DNAH2: variants seen among roughly 807,000 people sequenced by gnomAD.
DNAH2 encodes dynein axonemal heavy chain 2, also known as axonemal beta dynein heavy chain 2.
In DNAH2, 323 loss-of-function variants were observed where a neutral mutation model predicts 523.5. The observed-to-expected ratio is 0.62, with a 90% CI of 0.56 to 0.68. The LOEUF is 0.68. DNAH2 is among the 30% of genes least tolerant of loss of function. The pLI, the probability that DNAH2 is intolerant of heterozygous loss-of-function variation, is 0.00. For missense variants in DNAH2, 4,907 were observed against 5,701.5 expected (o/e 0.86, Z 4.49); for synonymous variants, 2,093 against 2,177.4 (o/e 0.96, Z 1.08).
intron 50 of DNAH2, 49 bp from the exon 51 acceptor site, chr17:7,797,127 G>A (rs771791185): frequency 2.2e-6 from 3 of 1,362,392 alleles, no homozygotes; most frequent in African/African-American, 1.5e-5. Flanking sequence ...AAAAACTTCT[G>A]GAGGGAATCT....
rs1235216997 is a variant in DNAH2 at position 7,786,814 on chromosome 17, T to C, written c.6467-83T>C. 2 of 1,606,278 alleles carry C rather than the reference T, an allele frequency of 1.2e-6. No individual in the cohort carries two copies. ...GGGAATGCTGAAGTACAAGGGAGTGTAGGCTTGTGTCTCCGAGGAGCGTGA... is the reference window on the plus strand; with the variant it reads ...GGGAATGCTGAAGTACAAGGGAGTGCAGGCTTGTGTCTCCGAGGAGCGTGA... On this transcript the variant is annotated intron_variant, in intron 41 of 85. Transcript: ENST00000572933. The surrounding 1 kb of genome is among the most constrained non-coding windows in gnomAD (Gnocchi z 7.5).
rs146435612 is a variant in DNAH2 at position 7,831,614 on chromosome 17, G to A, written c.12612-47G>A. On this transcript the variant is annotated intron_variant, in intron 81 of 85. Transcript: ENST00000572933. This position sits in a 1 kb window ranked among gnomAD's most constrained non-coding sequence, Gnocchi z 4.2. ...GCCTTTGCCTTCTGGCTAGAATGAC[G>A]TTCCCAGGCCCACCTCATCTCTAAC... 1.2e-5 allele frequency: 19 copies of A among 1,612,982 alleles called. No individual in the cohort carries two copies. Among genetic ancestry groups the A allele is most frequent in the Admixed American group, 6.7e-5 (4 of 59,956 alleles).
Position 7,830,738 on chromosome 17 carries a change from C to G in DNAH2, c.12126C>G (p.Gly4042=). The G allele has an allele frequency of 6.2e-7, 1 of 1,614,186 alleles. No individual in the cohort carries two copies. The highest frequency in any genetic ancestry group is 8.5e-7 in the Non-Finnish European group (1 of 1,180,052). Reference sequence around the variant, plus strand: ...ACGCACTTAAGTACCTCATTGCCGGCATCAACTATGGTGGACATGTCACAG... The same window carrying G: ...ACGCACTTAAGTACCTCATTGCCGGGATCAACTATGGTGGACATGTCACAG... ...PWDALKYLIA[G]INYGGHVTDD... The change falls in exon 79 of 86, where the codon GGC becomes GGG. Residue 4042 remains glycine (G), a synonymous_variant. Coordinates refer to ENST00000572933, the MANE Select transcript of DNAH2 (RefSeq NM_020877.5).
chr17:7,784,552 A>C (rs988267757), intron 39 of DNAH2, among the ~76,000 whole-genome samples: 3 of 152,226 alleles, frequency 2.0e-5, no homozygotes, highest in African/African-American at 7.2e-5. Context: ...CAACTCAATA[A>C]AATAAAATAA....
intron 49 of DNAH2, among the ~76,000 whole-genome samples, chr17:7,796,240 A>C (rs1404411438): frequency 6.6e-6 from 1 of 151,612 alleles, no homozygotes; most frequent in Non-Finnish European, 1.5e-5. Flanking sequence ...GTAAAGACGG[A>C]GTTTCTCCAT....
chr17:7,781,243 G>A (rs2076598614), intron 39 of DNAH2, 76 bp downstream of exon 39: 3 of 1,549,614 alleles, frequency 1.9e-6, no homozygotes, highest in Admixed American at 1.7e-5. Context: ...GGGAGGCCGA[G>A]GTGGGCAGAC....
chr17:7,821,505 C>G lies in DNAH2; in HGVS notation c.11142+136C>G. ...GAGCTGAGAAAATCCAGGCCAGCAT[C>G]AGGTGCATGGTGAGCTCCCTGGGGC... On this transcript the variant is annotated intron_variant, in intron 73 of 85. Coordinates refer to ENST00000572933, the MANE Select transcript of DNAH2 (RefSeq NM_020877.5). The surrounding 1 kb of genome is among the most constrained non-coding windows in gnomAD (Gnocchi z 5.0). The G allele has an allele frequency of 7.8e-7, 1 of 1,285,150 alleles. No individual in the cohort carries two copies. Among genetic ancestry groups the G allele is most frequent in the South Asian group, 1.6e-5 (1 of 63,804 alleles). The allele number at this position is 1,285,150 out of a possible 1,614,324, so 79.6% of individuals were successfully genotyped here.
intron 11 of DNAH2, among the ~76,000 whole-genome samples, chr17:7,741,319 C>CCTTCCTTCCTTCCT (rs1555540854): frequency 6.7e-4 from 25 of 37,064 alleles, no homozygotes; most frequent in South Asian, 1.5e-3. Context: ...CCCTCCCTCC[C>CCTTCCTTCCTTCCT]TCCCTCCTTC....
At chr17:7,782,027 A>T (rs895986871) in intron 39 of DNAH2, among the ~76,000 whole-genome samples, 5 of 152,248 alleles carry the variant, frequency 3.3e-5, no homozygotes, top group Non-Finnish European at 7.3e-5. Context: ...TAAGCTGGCA[A>T]GAAAGGAAGA....
At chr17:7,743,174 A>G in intron 12 of DNAH2, 32 bp downstream of exon 12, 2 of 1,604,640 alleles carry the variant, frequency 1.2e-6, no homozygotes, top group Non-Finnish European at 8.5e-7. Flanking sequence ...TTTTCCCTAT[A>G]CTCCCCTTCT....
In DNAH2 at chr17:7,801,544, A is replaced by G. The variant is rs367846165; in HGVS notation, c.8700-34A>G. ...CAGTACCTGGAGGCTGTGTCTGTGC[A>G]CGGAATTTACAGCCTCTCCAAACCC... On this transcript the variant is annotated intron_variant, in intron 56 of 85. Transcript: ENST00000572933. The G allele has an allele frequency of 3.1e-6, 5 of 1,612,992 alleles. No individual in the cohort carries two copies. The African/African-American group carries it at 4.0e-5, about 13-fold the overall frequency.
intron 18 of DNAH2, among the ~76,000 whole-genome samples, chr17:7,762,906 A>C (rs1328015295): frequency 6.6e-6 from 1 of 151,934 alleles, no homozygotes; most frequent in East Asian, 1.9e-4. Flanking sequence ...AAAAAAAAAA[A>C]AAACCTGCCT....
At position 7,791,983 on chromosome 17, in the gene DNAH2, T is replaced by G; in HGVS notation, c.6967T>G (p.Trp2323Gly). The G allele has an allele frequency of 6.2e-7, 1 of 1,614,092 alleles. No individual in the cohort carries two copies. The highest frequency in any genetic ancestry group is 8.5e-7 in the Non-Finnish European group (1 of 1,180,012). Residue 2323 changes from tryptophan to glycine, a missense_variant, in exon 45 of 86, where the codon TGG (tryptophan) becomes GGG (glycine). By Grantham distance (184) the Trp-to-Gly change is radical (BLOSUM62 -2). This residue lies in a region of DNAH2 where 2,806 missense variants were observed against 3,190.8 expected (regional missense o/e 0.88). Coordinates refer to ENST00000572933, the MANE Select transcript of DNAH2 (RefSeq NM_020877.5). ...GATGACATTTGTGTTCAGCATGATC[T>G]GGTCTGTGTGTGCCTCTGTGGATGA... ...VEMTFVFSMI[W>G]SVCASVDEEG...
Position 7,821,454 on chromosome 17 carries a change from GGGTCA to G in DNAH2, c.11142+88_11142+92del, listed in dbSNP as rs2077853365. 1 of 1,490,070 alleles carries G rather than the reference GGGTCA, an allele frequency of 6.7e-7. No homozygotes were observed. Among genetic ancestry groups the G allele is most frequent in the African/African-American group, 1.4e-5 (1 of 71,830 alleles). The allele number at this position is 1,490,070 out of a possible 1,614,324, so 92.3% of individuals were successfully genotyped here. Reference sequence around the variant, plus strand: ...GTGTGACAAGGACTCCAGACCCAGAGGGTCAGGCCCACAGCATCAGTGAGTGAGCT... The same window carrying G: ...GTGTGACAAGGACTCCAGACCCAGAGGGCCCACAGCATCAGTGAGTGAGCT... On this transcript the variant is annotated intron_variant, in intron 73 of 85. Transcript: ENST00000572933. The surrounding 1 kb of genome is among the most constrained non-coding windows in gnomAD (Gnocchi z 5.0).
rs776717991 is a variant in DNAH2, at chr17:7,770,422, C to T, written c.4098+14C>T. On this transcript the variant is annotated intron_variant, in intron 25 of 85. Transcript: ENST00000572933. ...GCTATAGAAGTGGTACGACAGTCCC[C>T]TCCCATGCTCCCACACCTCCTGCGC... 5 of 1,610,994 alleles carry T rather than the reference C, an allele frequency of 3.1e-6. No individual in the cohort carries two copies. The South Asian group carries it at 4.4e-5, about 14-fold the overall frequency.
Position 7,807,894 on chromosome 17 carries a change from T to C in DNAH2, c.9729+308T>C, listed in dbSNP as rs1478363221. ...AGATGGCGCCTGAGATATTAACTGA[T>C]GACATCTGCGTGGCAAATTGGTCTT... is the stretch of plus-strand genomic sequence containing the variant. On this transcript the variant is annotated intron_variant, in intron 63 of 85. Transcript: ENST00000572933. This position sits in a 1 kb window ranked among gnomAD's most constrained non-coding sequence, Gnocchi z 5.6. Among the ~76,000 whole-genome samples the C allele has an allele frequency of 6.6e-6, 1 of 152,204 alleles. No individual in the cohort carries two copies. The highest frequency in any genetic ancestry group is 1.5e-5 in the Non-Finnish European group (1 of 68,036).
intron 7 of DNAH2, among the ~76,000 whole-genome samples, 182 bp from the exon 8 acceptor site, chr17:7,736,885 G>A (rs951041389): frequency 5.9e-5 from 9 of 152,168 alleles, no homozygotes. Context: ...GGGAGGCTGA[G>A]GCAGGAGAAT....
intron 10 of DNAH2, 45 bp from the exon 11 acceptor site, chr17:7,740,765 C>A (rs1193629157): frequency 6.3e-7 from 1 of 1,580,328 alleles, no homozygotes; most frequent in East Asian, 2.3e-5. Context: ...CGGAGGGAAC[C>A]CGCCTTCCCG....
Position 7,786,382 on chromosome 17 carries a change from G to A in DNAH2, c.6348+40G>A, listed in dbSNP as rs2007510785. The stretch of plus-strand genomic sequence containing the variant: ...CAGTGGAGTCAGTGGGCAGAGACTT[G>A]AGTAGTAAGAAGACAATGGAGGGTG... On this transcript the variant is annotated intron_variant, in intron 40 of 85. Transcript: ENST00000572933. The surrounding 1 kb of genome is among the most constrained non-coding windows in gnomAD (Gnocchi z 7.5). The A allele has an allele frequency of 6.3e-7, 1 of 1,593,656 alleles. No homozygotes were observed. The highest frequency in any genetic ancestry group is 2.2e-5 in the East Asian group (1 of 44,634).
Sources: gnomAD v4.1 joint callset for allele counts (sites outside exome capture counted in the v4.1 genomes callset) on GRCh38, gnomAD v4.1.1 for gene constraint, gnomAD v4.1.1 regional missense constraint, Gnocchi (gnomAD v3.1) non-coding constraint, MANE v1.5 for transcripts, NCBI Gene and HGNC (gene_info 2026-07-23, HGNC 2026-07-21) for gene names.